MACROD2: variants seen among roughly 807,000 people sequenced by gnomAD.
MACROD2 encodes ADP-ribose glycohydrolase MACROD2.
A neutral mutation model predicts 70.4 loss-of-function variants in MACROD2; 36 were observed. The observed-to-expected ratio is 0.51, with a 90% CI of 0.39 to 0.68. The LOEUF is 0.68. Ranked by LOEUF, MACROD2 falls within the 30% of genes least tolerant of loss-of-function variation. The pLI, the probability that MACROD2 is intolerant of heterozygous loss-of-function variation, is 0.00. For missense variants in MACROD2, 496 were observed against 538.4 expected (o/e 0.92, Z 0.78); for synonymous variants, 172 against 178.8 (o/e 0.96, Z 0.30).
chr20:16,036,628 T>A (rs192659421), intron 15 of MACROD2, among the ~76,000 whole-genome samples: 64 of 152,086 alleles, frequency 4.2e-4, no homozygotes, highest in African/African-American at 1.5e-3. Flanking sequence ...ACAGAGGCCA[T>A]TTTTGTTTTT....
chr20:15,482,086 A>G (rs2047105909), intron 7 of MACROD2, among the ~76,000 whole-genome samples: 2 of 152,224 alleles, frequency 1.3e-5, no homozygotes, highest in East Asian at 3.8e-4. Flanking sequence ...CAGGCCATAC[A>G]GATGATTCCA....
chr20:15,711,351 G>T (rs1201321662), intron 8 of MACROD2, among the ~76,000 whole-genome samples: 1 of 152,204 alleles, frequency 6.6e-6, no homozygotes. Context: ...AGGTAAGAAA[G>T]GTGCTTTGTG....
At chr20:14,487,953 G>A (rs1463839580) in intron 3 of MACROD2, among the ~76,000 whole-genome samples, 2 of 152,222 alleles carry the variant, frequency 1.3e-5, no homozygotes, top group East Asian at 1.9e-4. Flanking sequence ...AATATTATAA[G>A]AAATATGAAA....
intron 5 of MACROD2, among the ~76,000 whole-genome samples, chr20:14,763,500 G>A (rs1277140457): frequency 6.6e-6 from 1 of 152,130 alleles, no homozygotes; most frequent in Non-Finnish European, 1.5e-5. Flanking sequence ...CATGTGAAGG[G>A]ACCGTGATCT....
chr20:14,051,774 T>TAGTA (rs2053570782), intron 2 of MACROD2: 3 of 453,146 alleles, frequency 6.6e-6, no homozygotes, highest in Non-Finnish European at 8.9e-6. Context: ...AGTATCAGAA[T>TAGTA]AGTAACATGT....
At chr20:15,931,646 TAA>T (rs11476734) in intron 10 of MACROD2, among the ~76,000 whole-genome samples, 1 of 140,846 alleles carries the variant, frequency 7.1e-6, no homozygotes, top group African/African-American at 2.6e-5. Flanking sequence ...CTGTGTCTAT[TAA>T]AAAAAAAAAA....
intron 8 of MACROD2, among the ~76,000 whole-genome samples, chr20:15,607,590 A>G (rs1279265000): frequency 1.3e-5 from 2 of 152,124 alleles, no homozygotes; most frequent in Admixed American, 6.5e-5. Context: ...CTGGAGTGCA[A>G]TGGCACTATC....
intron 5 of MACROD2, among the ~76,000 whole-genome samples, chr20:14,909,058 G>A (rs2073994409): frequency 6.6e-6 from 1 of 152,134 alleles, no homozygotes; most frequent in African/African-American, 2.4e-5. Flanking sequence ...AAAATATTCT[G>A]TTTCACCATA....
intron 4 of MACROD2, among the ~76,000 whole-genome samples, chr20:14,599,026 T>C (rs758322960): frequency 4.6e-5 from 7 of 152,154 alleles, no homozygotes; most frequent in Non-Finnish European, 7.4e-5. Context: ...GTGAGAAGAA[T>C]ATGTATTTCT....
At chr20:15,621,978 A>G (rs972650472) in intron 8 of MACROD2, among the ~76,000 whole-genome samples, 2 of 152,180 alleles carry the variant, frequency 1.3e-5, no homozygotes, top group African/African-American at 4.8e-5. Flanking sequence ...GGAGGTAAAG[A>G]TAGATGCGCA....
At chr20:14,818,725 T>C (rs1374259221) in intron 5 of MACROD2, among the ~76,000 whole-genome samples, 1 of 151,664 alleles carries the variant, frequency 6.6e-6, no homozygotes, top group Admixed American at 6.6e-5. Context: ...TACTTATTAA[T>C]CTAGAATGAG....
chr20:15,519,055 T>TTTCCTTCCTTCCTTCCTTCCTTCCTTCC (rs373164988), intron 8 of MACROD2, among the ~76,000 whole-genome samples: 4 of 116,426 alleles, frequency 3.4e-5, no homozygotes, highest in South Asian at 3.5e-4. Context: ...TAACTCGCTC[T>TTTCCTTCCTTCCTTCCTTCCTTCCTTCC]TTCCTTCCTT....
At chr20:14,467,065 A>T (rs924564363) in intron 3 of MACROD2, among the ~76,000 whole-genome samples, 2 of 152,154 alleles carry the variant, frequency 1.3e-5, no homozygotes, top group African/African-American at 2.4e-5. Context: ...TAAAGCTGTC[A>T]GACAGGGACA....
intron 6 of MACROD2, among the ~76,000 whole-genome samples, chr20:15,392,409 TTTA>T (rs976648691): frequency 1.8e-4 from 28 of 152,176 alleles, no homozygotes; most frequent in African/African-American, 6.8e-4. Flanking sequence ...TTTAATGTGA[TTTA>T]TTATTTTAAT....
chr20:14,255,735 G>A (rs1402541025), intron 3 of MACROD2, among the ~76,000 whole-genome samples: 1 of 148,678 alleles, frequency 6.7e-6, no homozygotes, highest in Non-Finnish European at 1.5e-5. Flanking sequence ...AAAAGAAAAT[G>A]TCATTCCATT....
At chr20:14,879,529 G>A (rs2073587633) in intron 5 of MACROD2, among the ~76,000 whole-genome samples, 1 of 152,154 alleles carries the variant, frequency 6.6e-6, no homozygotes, top group South Asian at 2.1e-4. Context: ...AAATGGAGAG[G>A]CTATAGAGGT....
At chr20:14,987,987 A>C (rs1264959652) in intron 5 of MACROD2, among the ~76,000 whole-genome samples, 2 of 152,088 alleles carry the variant, frequency 1.3e-5, no homozygotes, top group African/African-American at 4.8e-5. Flanking sequence ...TGTTTTCAGG[A>C]AGTGGCTTCT....
At chr20:15,035,338 AG>A (rs2075304605) in intron 5 of MACROD2, among the ~76,000 whole-genome samples, 1 of 152,196 alleles carries the variant, frequency 6.6e-6, no homozygotes, top group African/African-American at 2.4e-5. Context: ...TGGGAGGTCA[AG>A]GTTGCAGTGA....
At chr20:15,452,850 A>G (rs2423963) in intron 7 of MACROD2, among the ~76,000 whole-genome samples, 137,675 of 152,204 alleles carry the variant, frequency 0.9, 62,460 homozygotes, top group East Asian at 1. Context: ...CTGAGTATAA[A>G]GAAGTATAAT....
Sources: allele counts gnomAD v4.1 joint callset (sites outside exome capture counted in the v4.1 genomes callset), GRCh38; gene constraint gnomAD v4.1.1; transcripts MANE v1.5; gene names NCBI Gene and HGNC (gene_info 2026-07-23, HGNC 2026-07-21).